Variants in GAREM1 observed in about 807,000 individuals in gnomAD.
GAREM1 encodes the protein GRB2-associated and regulator of MAPK protein 1.
GAREM1 carries 26 observed loss-of-function variants against 71.3 expected under a neutral mutation model. The observed-to-expected ratio is 0.36, with a 90% confidence interval of 0.27 to 0.51. The LOEUF is 0.51. Among genes scored for constraint, GAREM1 ranks in the 20% least tolerant of loss-of-function variants. The pLI, the probability that GAREM1 is intolerant of heterozygous loss-of-function variation, is 0.95. For synonymous variants in GAREM1, 440 were observed against 433.2 expected (o/e 1.02, Z -0.20); for missense variants, 1,026 against 1,103.1 (o/e 0.93, Z 0.99).
At chr18:32,354,916 A>G (rs1291157450) in intron 2 of GAREM1, among the ~76,000 whole-genome samples, 5 of 152,244 alleles carry the variant, frequency 3.3e-5, no homozygotes, top group Non-Finnish European at 5.9e-5. Flanking sequence ...TCTGTTCCAG[A>G]AAATTCCATA....
At chr18:32,341,153 G>GGTGTGTGATGTTCCCCACCCT (rs1567971111) in intron 2 of GAREM1, among the ~76,000 whole-genome samples, 4 of 151,964 alleles carry the variant, frequency 2.6e-5, no homozygotes, top group Admixed American at 1.3e-4. Flanking sequence ...GACAGGCCCC[G>GGTGTGTGATGTTCCCCACCCT]GTGTGTGATG....
chr18:32,328,009 G>T (rs984622106), intron 2 of GAREM1, among the ~76,000 whole-genome samples: 20 of 152,072 alleles, frequency 1.3e-4, no homozygotes, highest in African/African-American at 4.3e-4. Flanking sequence ...TTATTATCAA[G>T]ATTCCATAAG....
At chr18:32,276,274 G>A (rs564693518) in intron 4 of GAREM1, among the ~76,000 whole-genome samples, 52 of 152,316 alleles carry the variant, frequency 3.4e-4, no homozygotes, top group African/African-American at 1.1e-3. Flanking sequence ...GCTGATGGCC[G>A]GGATCACAAG....
At chr18:32,360,944 C>CTT (rs2047859427) in intron 2 of GAREM1, among the ~76,000 whole-genome samples, 1 of 152,196 alleles carries the variant, frequency 6.6e-6, no homozygotes, top group African/African-American at 2.4e-5. Flanking sequence ...ACGTTAAAAA[C>CTT]ACTCTTCATG....
chr18:32,373,632 G>T (rs957577370), intron 2 of GAREM1, among the ~76,000 whole-genome samples: 2 of 152,142 alleles, frequency 1.3e-5, no homozygotes, highest in African/African-American at 4.8e-5. Context: ...AATGCCAAAG[G>T]CGACAGCTGA....
intron 1 of GAREM1, among the ~76,000 whole-genome samples, chr18:32,403,117 A>G (rs2048332530): frequency 6.6e-6 from 1 of 152,144 alleles, no homozygotes; most frequent in African/African-American, 2.4e-5. Context: ...CATGTTGGCC[A>G]GGCTGGTCTC....
At chr18:32,390,653 C>T (rs1172669091) in intron 2 of GAREM1, among the ~76,000 whole-genome samples, 2 of 152,224 alleles carry the variant, frequency 1.3e-5, no homozygotes, top group Admixed American at 6.5e-5. Context: ...AACAATATCA[C>T]ATCTTTCTTC....
chr18:32,352,098 C>T lies in GAREM1; in HGVS notation c.262+40797G>A, dbSNP rs2047758844. 2.0e-5 allele frequency among the ~76,000 whole-genome samples: 3 copies of T among 152,164 alleles called. No homozygotes were observed. In the South Asian group the frequency reaches 6.2e-4, roughly 32 times the overall value. On this transcript the variant is annotated intron_variant, in intron 2 of 5. Coordinates refer to ENST00000269209, the MANE Select transcript of GAREM1 (RefSeq NM_001242409.2). The stretch of plus-strand genomic sequence containing the variant: ...CTTCACCTCCAAACCCAAACAAAGG[C>T]ATTCTGAGCCACTACAGGATACACC...
chr18:32,385,069 C>A (rs559236968), intron 2 of GAREM1, among the ~76,000 whole-genome samples: 1 of 152,134 alleles, frequency 6.6e-6, no homozygotes, highest in African/African-American at 2.4e-5. Flanking sequence ...TCTCTTTTTC[C>A]TTTTCTGAAT....
At chr18:32,454,254 C>T (rs753021404) in intron 1 of GAREM1, among the ~76,000 whole-genome samples, 14 of 151,932 alleles carry the variant, frequency 9.2e-5, no homozygotes, top group Non-Finnish European at 2.1e-4. Flanking sequence ...TACTCCATGG[C>T]ACTACCACAA....
chr18:32,317,003 T>C (rs2047383872), intron 2 of GAREM1, among the ~76,000 whole-genome samples: 1 of 152,206 alleles, frequency 6.6e-6, no homozygotes, highest in Non-Finnish European at 1.5e-5. Flanking sequence ...TAAGAGCAGC[T>C]GTGCTCCAGA....
intron 1 of GAREM1, among the ~76,000 whole-genome samples, chr18:32,439,825 A>G (rs2048716499): frequency 6.6e-6 from 1 of 152,000 alleles, no homozygotes; most frequent in Non-Finnish European, 1.5e-5. Flanking sequence ...ATTCTGACAC[A>G]CTCTCTTACA....
At chr18:32,336,507 T>C (rs528691435) in intron 2 of GAREM1, among the ~76,000 whole-genome samples, 4 of 151,996 alleles carry the variant, frequency 2.6e-5, no homozygotes, top group Non-Finnish European at 4.4e-5. Flanking sequence ...TGGTGCTCTA[T>C]AAGTACTTAC....
intron 1 of GAREM1, among the ~76,000 whole-genome samples, chr18:32,439,331 T>C (rs972170554): frequency 3.3e-5 from 5 of 152,046 alleles, no homozygotes; most frequent in African/African-American, 1.2e-4. Context: ...AAACCAGAAT[T>C]AGGTGACAAT....
At chr18:32,286,979 G>T in intron 4 of GAREM1, 52 bp downstream of exon 4, 2 of 1,294,706 alleles carry the variant, frequency 1.5e-6, no homozygotes, top group South Asian at 2.6e-5. Flanking sequence ...GTGGATGACT[G>T]AGCAGAGAGA....
intron 1 of GAREM1, among the ~76,000 whole-genome samples, chr18:32,458,738 A>G (rs1289136639): frequency 6.6e-6 from 1 of 152,036 alleles, no homozygotes; most frequent in African/African-American, 2.4e-5. Context: ...TATCGAGCAA[A>G]GAAATACAAC....
intron 1 of GAREM1, among the ~76,000 whole-genome samples, chr18:32,406,601 A>C (rs1248101602): frequency 6.6e-6 from 1 of 152,252 alleles, no homozygotes. Flanking sequence ...AAAGTGTTCC[A>C]AACAGAAAGT....
intron 2 of GAREM1, among the ~76,000 whole-genome samples, chr18:32,364,027 T>TATATATATG (rs1567980849): frequency 7.5e-5 from 5 of 66,512 alleles, no homozygotes; most frequent in Non-Finnish European, 1.0e-4. Flanking sequence ...TATATATATA[T>TATATATATG]GTTTTTTTTT....
intron 1 of GAREM1, among the ~76,000 whole-genome samples, chr18:32,416,528 T>C (rs1007162578): frequency 6.6e-6 from 1 of 151,890 alleles, no homozygotes; most frequent in African/African-American, 2.4e-5. Context: ...AACAGACACA[T>C]AGACAAATGG....
Sources: allele counts gnomAD v4.1 joint callset (sites outside exome capture counted in the v4.1 genomes callset), GRCh38; gene constraint gnomAD v4.1.1; transcripts MANE v1.5; gene names NCBI Gene and HGNC (gene_info 2026-07-23, HGNC 2026-07-21).